RPS6KA2: variants seen among roughly 807,000 people sequenced by gnomAD.
RPS6KA2 encodes the protein ribosomal protein S6 kinase alpha-2.
RPS6KA2 carries 42 observed loss-of-function variants against 91.8 expected under a neutral mutation model. The observed-to-expected ratio is 0.46, with a 90% confidence interval of 0.36 to 0.59. RPS6KA2 has a LOEUF of 0.59. Among genes scored for constraint, RPS6KA2 ranks in the 20% least tolerant of loss-of-function variants. The pLI is 0.00. For missense variants in RPS6KA2, 798 were observed against 978.5 expected (o/e 0.82, Z 2.46); for synonymous variants, 414 against 393.6 (o/e 1.05, Z -0.61).
intron 13 of RPS6KA2, among the ~76,000 whole-genome samples, chr6:166,450,225 A>AGGAACCACCACG (rs1442214465): frequency 1.4e-5 from 2 of 143,582 alleles, no homozygotes; most frequent in Non-Finnish European, 1.5e-5. Context: ...GGACCACCAC[A>AGGAACCACCACG]GGAACCACCA....
At chr6:166,478,471 C>T (rs576215577) in intron 10 of RPS6KA2, among the ~76,000 whole-genome samples, 37 of 152,258 alleles carry the variant, frequency 2.4e-4, no homozygotes, top group Admixed American at 7.8e-4. Flanking sequence ...GGGTGAGCTT[C>T]GGGACTCTGG....
intron 1 of RPS6KA2, among the ~76,000 whole-genome samples, chr6:166,597,518 CTCT>C (rs1340399725): frequency 6.6e-6 from 1 of 152,104 alleles, no homozygotes; most frequent in East Asian, 1.9e-4. Flanking sequence ...GGAAGAGCAT[CTCT>C]TCTTCTGGGA....
At chr6:166,763,715 G>C (rs533537877) in intron 2 of RPS6KA2, among the ~76,000 whole-genome samples, 2 of 152,172 alleles carry the variant, frequency 1.3e-5, no homozygotes, top group African/African-American at 2.4e-5. Flanking sequence ...AAGGCGTTTC[G>C]TAAGTAGTGA....
chr6:166,765,012 G>C (rs1376085053), intron 2 of RPS6KA2, among the ~76,000 whole-genome samples: 2 of 152,196 alleles, frequency 1.3e-5, no homozygotes, highest in Non-Finnish European at 2.9e-5. Flanking sequence ...CGGCCAATGG[G>C]GTGACCCCGC....
chr6:166,744,438 G>A (rs1307686394), intron 2 of RPS6KA2, among the ~76,000 whole-genome samples: 3 of 152,220 alleles, frequency 2.0e-5, no homozygotes, highest in Admixed American at 2.0e-4. Flanking sequence ...AGGCCTCTGG[G>A]GGTAGGCTGG....
At chr6:166,484,170 C>G (rs2128471168) in intron 10 of RPS6KA2, among the ~76,000 whole-genome samples, 1 of 152,370 alleles carries the variant, frequency 6.6e-6, no homozygotes, top group African/African-American at 2.4e-5. Flanking sequence ...CAACTCCACA[C>G]ACTTCAGGGC....
intron 17 of RPS6KA2, among the ~76,000 whole-genome samples, chr6:166,420,686 C>T (rs1023545263): frequency 6.6e-6 from 1 of 152,214 alleles, no homozygotes; most frequent in African/African-American, 2.4e-5. Context: ...GTGAATAGTG[C>T]TGCTATGAAC....
intron 2 of RPS6KA2, among the ~76,000 whole-genome samples, chr6:166,640,737 C>G (rs1258033758): frequency 1.3e-5 from 2 of 151,912 alleles, no homozygotes; most frequent in African/African-American, 2.4e-5. Flanking sequence ...GAGCACTGTT[C>G]TGAGCAGTGC....
At chr6:166,613,972 G>A (rs571635103) in intron 1 of RPS6KA2, among the ~76,000 whole-genome samples, 14 of 152,244 alleles carry the variant, frequency 9.2e-5, no homozygotes, top group African/African-American at 2.9e-4. Flanking sequence ...CATCTTCCCC[G>A]TCTTTCTGGG....
chr6:166,478,604 T>C (rs1781069774), intron 10 of RPS6KA2, among the ~76,000 whole-genome samples: 2 of 152,166 alleles, frequency 1.3e-5, no homozygotes, highest in Admixed American at 1.3e-4. Flanking sequence ...ACGATGGTTT[T>C]CTCCAGAAAA....
At chr6:166,791,560 A>G (rs989367629) in intron 2 of RPS6KA2, among the ~76,000 whole-genome samples, 1 of 152,258 alleles carries the variant, frequency 6.6e-6, no homozygotes, top group African/African-American at 2.4e-5. Flanking sequence ...AACAGAATGT[A>G]CATTCTTCTC....
intron 19 of RPS6KA2, among the ~76,000 whole-genome samples, chr6:166,417,657 G>T (rs555422399): frequency 1.3e-5 from 2 of 148,966 alleles, no homozygotes; most frequent in African/African-American, 5.1e-5. Flanking sequence ...ACACACGCAC[G>T]CATGTTCTGT....
intron 2 of RPS6KA2, among the ~76,000 whole-genome samples, chr6:166,706,333 A>G (rs1459534654): frequency 2.6e-5 from 4 of 152,260 alleles, no homozygotes; most frequent in Non-Finnish European, 5.9e-5. Context: ...AAAACAGTTC[A>G]CAGCAAGAGA....
At chr6:166,602,686 G>A (rs1010351765) in intron 1 of RPS6KA2, among the ~76,000 whole-genome samples, 3 of 152,206 alleles carry the variant, frequency 2.0e-5, no homozygotes, top group Non-Finnish European at 4.4e-5. Flanking sequence ...AATAAAACAG[G>A]AAGAAATATA....
At chr6:166,455,840 C>T (rs780400606) in intron 12 of RPS6KA2, among the ~76,000 whole-genome samples, 6 of 152,244 alleles carry the variant, frequency 3.9e-5, no homozygotes, top group Non-Finnish European at 8.8e-5. Flanking sequence ...AAAAATGAAA[C>T]ACACATGGCT....
At position 166,737,253 on chromosome 6, in the gene RPS6KA2, G is replaced by A. The variant is rs16899357; in HGVS notation, c.123+120947C>T. ...CAGATCACACTTGTAATATTATTTA[G>A]AAGCAAATAAATCTGCAAGGCTATT... is the stretch of plus-strand genomic sequence containing the variant. On this transcript the variant is annotated intron_variant, in intron 2 of 21. Transcript: ENST00000503859. The surrounding 1 kb of genome is among the most constrained non-coding windows in gnomAD (Gnocchi z 4.3). 4.2e-3 allele frequency among the ~76,000 whole-genome samples: 632 copies of A among 152,200 alleles called. 6 individuals carry two copies. Among genetic ancestry groups the A allele is most frequent in the African/African-American group, 0.015 (605 of 41,512 alleles).
rs1562437171 is a variant in RPS6KA2 at position 166,783,813 on chromosome 6, TGTAACCACATATGC to T, written c.123+74373_123+74386del. Among the ~76,000 whole-genome samples the T allele has an allele frequency of 1.0e-4, 11 of 109,552 alleles. 1 individual carries two copies. Among genetic ancestry groups the T allele is most frequent in the East Asian group, 4.3e-4 (2 of 4,620 alleles). The allele number at this position is 109,552 out of a possible 152,430, so 71.9% of individuals were successfully genotyped here. ...ACATATATACACGTGCACAGTTACC[TGTAACCACATATGC>T]ACACGTGCACACCTATCTATACCAC... On this transcript the variant is annotated intron_variant, in intron 2 of 21. Coordinates refer to the RPS6KA2 transcript ENST00000503859.
At chr6:166,769,707 T>C (rs1288405115) in intron 2 of RPS6KA2, among the ~76,000 whole-genome samples, 1 of 152,218 alleles carries the variant, frequency 6.6e-6, no homozygotes, top group Non-Finnish European at 1.5e-5. Context: ...TCAAGCATTG[T>C]GGGCAATGGA....
Position 166,526,407 on chromosome 6 carries a change from AC to A in RPS6KA2, c.298+4824del, listed in dbSNP as rs201234932. Among the ~76,000 whole-genome samples, 165 of 136,184 alleles carry A rather than the reference AC, an allele frequency of 1.2e-3. 3 individuals are homozygous for A. In the East Asian group the frequency reaches 0.034, roughly 28 times the overall value. 89.3% of individuals were successfully genotyped at this position (136,184 alleles called of 152,430 possible). On this transcript the variant is annotated intron_variant, in intron 3 of 20. Coordinates refer to ENST00000265678, the MANE Select transcript of RPS6KA2 (RefSeq NM_021135.6). ...GTCACCCAGGCTGGAGTGCAGTGGC[AC>A]AATCACAGCTCACTGAAGCCTTGAG... is the stretch of plus-strand genomic sequence containing the variant.
Sources: gnomAD v4.1 joint callset for allele counts (sites outside exome capture counted in the v4.1 genomes callset) on GRCh38, gnomAD v4.1.1 for gene constraint, Gnocchi (gnomAD v3.1) non-coding constraint, MANE v1.5 for transcripts, NCBI Gene and HGNC (gene_info 2026-07-23, HGNC 2026-07-21) for gene names.